Variants in DAB1 observed in about 807,000 individuals in gnomAD.
DAB1 encodes disabled homolog 1.
In DAB1, 15 loss-of-function variants were observed where a neutral mutation model predicts 64.6. That is an observed-to-expected ratio of 0.23 (90% CI 0.16 to 0.36). The LOEUF is 0.36. Among genes scored for constraint, DAB1 ranks in the 10% least tolerant of loss-of-function variants. The pLI is 1.00. For synonymous variants in DAB1, 235 were observed against 251.9 expected (o/e 0.93, Z 0.64); for missense variants, 596 against 706.7 (o/e 0.84, Z 1.78).
chr1:58,241,517 AT>A (rs1255611276), intron 4 of DAB1, among the ~76,000 whole-genome samples: 1 of 152,132 alleles, frequency 6.6e-6, no homozygotes, highest in Non-Finnish European at 1.5e-5. Flanking sequence ...AAATAAAGAG[AT>A]CATTATAATA....
At chr1:58,077,567 A>C (rs1357671327) in intron 5 of DAB1, among the ~76,000 whole-genome samples, 1 of 152,242 alleles carries the variant, frequency 6.6e-6, no homozygotes, top group Non-Finnish European at 1.5e-5. Context: ...ATCTTATGTA[A>C]TTCCAACAGG....
intron 4 of DAB1, among the ~76,000 whole-genome samples, chr1:58,314,608 G>A (rs1305253019): frequency 6.6e-6 from 1 of 152,132 alleles, no homozygotes; most frequent in Non-Finnish European, 1.5e-5. Flanking sequence ...ATTGTAGGAG[G>A]TATGTGTTAT....
At position 57,372,152 on chromosome 1, in the gene DAB1, G is replaced by A. The variant is rs758120539; in HGVS notation, c.-137+51778C>T. 5.3e-5 allele frequency among the ~76,000 whole-genome samples: 8 copies of A among 152,048 alleles called. No individual in the cohort carries two copies. The East Asian group carries it at 5.8e-4, about 11-fold the overall frequency. On this transcript the variant is annotated intron_variant, in intron 1 of 14. Transcript: ENST00000371236. Reference sequence around the variant, plus strand: ...ATTTGCACGGAAATAATAAACATTCGCAGGAATGCATTAATGTCTCCCTTA... The same window carrying A: ...ATTTGCACGGAAATAATAAACATTCACAGGAATGCATTAATGTCTCCCTTA...
chr1:57,150,206 G>T (rs1355446212), intron 2 of DAB1, among the ~76,000 whole-genome samples: 1 of 152,174 alleles, frequency 6.6e-6, no homozygotes, highest in East Asian at 1.9e-4. Context: ...CAGTATTAAA[G>T]AAATGACAAA....
At chr1:58,058,165 T>C (rs1050559719) in intron 5 of DAB1, among the ~76,000 whole-genome samples, 2 of 152,272 alleles carry the variant, frequency 1.3e-5, no homozygotes, top group African/African-American at 4.8e-5. Flanking sequence ...CTAGTATGTG[T>C]TAATGCTGAC....
intron 7 of DAB1, among the ~76,000 whole-genome samples, chr1:57,471,174 A>T (rs17115846): frequency 0.038 from 5,768 of 152,246 alleles, 183 homozygotes; most frequent in East Asian, 0.17. Context: ...GACGAACCAA[A>T]TTCTAAACAA....
chr1:58,076,851 G>C (rs1249851312), intron 5 of DAB1, among the ~76,000 whole-genome samples: 1 of 152,200 alleles, frequency 6.6e-6, no homozygotes, highest in Non-Finnish European at 1.5e-5. Flanking sequence ...AAGCTTCAGG[G>C]AGAGGTCAGA....
intron 5 of DAB1, among the ~76,000 whole-genome samples, chr1:57,890,998 G>A (rs1644304519): frequency 6.6e-6 from 1 of 152,118 alleles, no homozygotes. Flanking sequence ...GGCAACAAAA[G>A]CCAAAATTGA....
At chr1:58,525,975 T>C (rs1646342980) in intron 2 of DAB1, among the ~76,000 whole-genome samples, 1 of 152,176 alleles carries the variant, frequency 6.6e-6, no homozygotes, top group South Asian at 2.1e-4. Flanking sequence ...CCATAAACAG[T>C]GCTGAGTCTA....
In DAB1 at chr1:58,038,644, T is replaced by C. The variant is rs58682978; in HGVS notation, n.387+111867A>G. Among the ~76,000 whole-genome samples, 724 of 151,358 alleles carry C rather than the reference T, an allele frequency of 4.8e-3. 35 individuals are homozygous for C. In the East Asian group the frequency reaches 0.1, roughly 21 times the overall value. ...AGAGACCTGCCCTGATGGGGTGTTA[T>C]TGGGGCCAGGATTTAAAAACTGCAG... On this transcript the variant is annotated intron_variant and non_coding_transcript_variant, in intron 5 of 20. Coordinates refer to the DAB1 transcript ENST00000485760.
chr1:57,033,507 G>A (rs1647030355), intron 9 of DAB1: 7 of 1,612,690 alleles, frequency 4.3e-6, no homozygotes, highest in Non-Finnish European at 4.2e-6. Flanking sequence ...TAACCAGAGA[G>A]GGCTGTAATT....
intron 5 of DAB1, among the ~76,000 whole-genome samples, chr1:57,895,668 T>C (rs1644382053): frequency 6.6e-6 from 1 of 152,172 alleles, no homozygotes; most frequent in Admixed American, 6.5e-5. Flanking sequence ...CCTAGAATAA[T>C]TCCTGGCACA....
chr1:58,025,272 C>G (rs888781192), intron 5 of DAB1, among the ~76,000 whole-genome samples: 1 of 152,050 alleles, frequency 6.6e-6, no homozygotes, highest in South Asian at 2.1e-4. Context: ...TTAGAATCAG[C>G]TGGCCAGCTT....
At chr1:57,643,724 C>T (rs1251328077) in intron 7 of DAB1, among the ~76,000 whole-genome samples, 5 of 152,088 alleles carry the variant, frequency 3.3e-5, no homozygotes, top group Non-Finnish European at 4.4e-5. Context: ...AAAAATGTGT[C>T]CTGATTTGCC....
At chr1:58,267,862 C>T (rs1661210139) in intron 4 of DAB1, among the ~76,000 whole-genome samples, 1 of 152,066 alleles carries the variant, frequency 6.6e-6, no homozygotes. Context: ...TCCAAGAAAC[C>T]TTGCGTCCCC....
chr1:58,524,162 C>A (rs1333415290), intron 2 of DAB1, among the ~76,000 whole-genome samples: 1 of 152,218 alleles, frequency 6.6e-6, no homozygotes, highest in Non-Finnish European at 1.5e-5. Context: ...TGCCTTAAAT[C>A]TTGATGCTCA....
intron 1 of DAB1, chr1:57,880,891 T>G (rs1416723123): frequency 2.0e-5 from 3 of 152,198 alleles, no homozygotes; most frequent in Non-Finnish European, 4.4e-5. Flanking sequence ...TCAATAAAAT[T>G]TCAAAATATA....
chr1:57,034,860 T>G (rs1319304853), intron 9 of DAB1, among the ~76,000 whole-genome samples: 2 of 152,196 alleles, frequency 1.3e-5, no homozygotes, highest in Non-Finnish European at 2.9e-5. Context: ...CAGGATTTGC[T>G]TTCACCCTGT....
At chr1:57,566,162 C>T (rs2101520692) in intron 7 of DAB1, among the ~76,000 whole-genome samples, 1 of 152,304 alleles carries the variant, frequency 6.6e-6, no homozygotes, top group Non-Finnish European at 1.5e-5. Context: ...GAACAACATG[C>T]TCCTGAATGA....
Sources: gnomAD v4.1 joint callset for allele counts (sites outside exome capture counted in the v4.1 genomes callset) on GRCh38, gnomAD v4.1.1 for gene constraint, MANE v1.5 for transcripts, NCBI Gene and HGNC (gene_info 2026-07-23, HGNC 2026-07-21) for gene names.